TMPRSS3: variants seen among roughly 807,000 people sequenced by gnomAD.
The protein encoded by TMPRSS3 is transmembrane protease serine 3.
In TMPRSS3, 55 loss-of-function variants were observed where a neutral mutation model predicts 59.6. The observed-to-expected ratio is 0.92, with a 90% CI of 0.74 to 1.16. The LOEUF (loss-of-function observed/expected upper bound fraction) is 1.16, where lower values mean the gene tolerates loss of function less well. Among genes scored for constraint, TMPRSS3 ranks in the 50% most tolerant of loss-of-function variants. TMPRSS3 has a pLI of 0.00. For missense variants in TMPRSS3, 596 were observed against 579.4 expected, an observed-to-expected ratio of 1.03 and a Z score of -0.29; for synonymous variants, 257 against 237.7, an observed-to-expected ratio of 1.08 and a Z score of -0.75.
intron 3 of TMPRSS3, 27 bp downstream of exon 3, chr21:42,389,900 T>A: frequency 6.5e-7 from 1 of 1,533,006 alleles, no homozygotes; most frequent in Non-Finnish European, 9.0e-7. Context: ...GTATTTGAGA[T>A]CCTACTAAAT....
intron 6 of TMPRSS3, among the ~76,000 whole-genome samples, 171 bp downstream of exon 6, chr21:42,385,238 C>G (rs1425716101): frequency 6.6e-6 from 1 of 151,946 alleles, no homozygotes; most frequent in East Asian, 1.9e-4. Flanking sequence ...CTCAGGTTCT[C>G]ACACCCCCAG....
intron 7 of TMPRSS3, 130 bp downstream of exon 7, chr21:42,383,840 C>T: frequency 8.3e-6 from 8 of 963,214 alleles, no homozygotes; most frequent in African/African-American, 1.6e-5. Flanking sequence ...TAGGGGTACA[C>T]AGAGTTCCCG....
intron 11 of TMPRSS3, 75 bp from the exon 12 acceptor site, chr21:42,375,943 C>T (rs893821849): frequency 4.0e-5 from 63 of 1,587,996 alleles, no homozygotes; most frequent in Admixed American, 8.3e-5. Flanking sequence ...GACAGTCTGC[C>T]GTGTGAGGCT....
intron 6 of TMPRSS3, 41 bp from the exon 7 acceptor site, chr21:42,384,054 G>T (rs1181660254): frequency 6.2e-7 from 1 of 1,605,764 alleles, no homozygotes; most frequent in Non-Finnish European, 8.5e-7. Flanking sequence ...AAATGCCCCA[G>T]ATCTGTGAAA....
Position 42,372,625 on chromosome 21 carries a change from C to A in TMPRSS3, c.*137G>T. 1.1e-6 allele frequency: 1 copy of A among 892,148 alleles called. No homozygotes were observed. The highest frequency in any genetic ancestry group is 1.3e-5 in the South Asian group (1 of 76,270). 55.3% of individuals were successfully genotyped at this position (892,148 alleles called of 1,614,324 possible). ...GAATCAGATGGAAGGGTGCCTCTTT[C>A]GGGCCTGCTACTGGTGCCGGAACTC... On this transcript the variant is annotated 3_prime_UTR_variant, in exon 13 of 13. Coordinates refer to ENST00000644384, the MANE Select transcript of TMPRSS3 (RefSeq NM_001256317.3).
intron 12 of TMPRSS3, 59 bp from the exon 13 acceptor site, chr21:42,372,838 G>T (rs2052358379): frequency 6.3e-7 from 1 of 1,598,300 alleles, no homozygotes; most frequent in Non-Finnish European, 8.6e-7. Context: ...CGTCCAACAT[G>T]ATGACGGAGC....
At chr21:42,382,478 G>C (rs1052164227) in intron 8 of TMPRSS3, 8 of 549,830 alleles carry the variant, frequency 1.5e-5, no homozygotes, top group African/African-American at 5.6e-5. Flanking sequence ...CTTGGCATTT[G>C]AGGGCTGAAC....
rs112618394 is a variant in TMPRSS3, at chr21:42,372,565, A to G, written c.*197T>C. On this transcript the variant is annotated 3_prime_UTR_variant, in exon 13 of 13. Transcript: ENST00000644384. Reference sequence around the variant, plus strand: ...ACAGAGCGAGACTCCATCTCAAAAAAACAAAAAACAAAAAGCAGCTTGAAG... The same window carrying G: ...ACAGAGCGAGACTCCATCTCAAAAAGACAAAAAACAAAAAGCAGCTTGAAG... 2 of 731,522 alleles carry G rather than the reference A, an allele frequency of 2.7e-6. No individual in the cohort carries two copies. Among genetic ancestry groups the G allele is most frequent in the African/African-American group, 3.5e-5 (2 of 57,826 alleles). The allele number at this position is 731,522 out of a possible 1,614,324, so 45.3% of individuals were successfully genotyped here.
rs1156639892 is a variant in TMPRSS3 at position 42,380,194 on chromosome 21, C to T, written c.971G>A (p.Cys324Tyr). 6.2e-7 allele frequency: 1 copy of T among 1,614,094 alleles called. No individual in the cohort carries two copies. The highest frequency in any genetic ancestry group is 1.1e-5 in the South Asian group (1 of 91,064). ...LTFNEMIQPV[C>Y]LPNSEENFPD... is the part of the protein sequence containing the mutation. ...GAAGTTCTCTTCAGAGTTGGGCAGG[C>T]ACACAGGCTGGATCATTTCTGCTTG... The change falls in exon 10 of 13, where the codon TGC becomes TAC. Residue 324 changes from cysteine to tyrosine, a missense_variant. Cys to Tyr is a radical substitution (Grantham distance 194). Coordinates refer to ENST00000644384, the MANE Select transcript of TMPRSS3 (RefSeq NM_001256317.3).
At chr21:42,378,840 G>A (rs748170141) in intron 10 of TMPRSS3, among the ~76,000 whole-genome samples, 12 of 150,716 alleles carry the variant, frequency 8.0e-5, no homozygotes, top group Non-Finnish European at 1.8e-4. Context: ...CCAGCCTCCT[G>A]AGTAGCTGGG....
At chr21:42,381,517 A>C (rs570747780) in intron 9 of TMPRSS3, among the ~76,000 whole-genome samples, 1 of 152,358 alleles carries the variant, frequency 6.6e-6, no homozygotes, top group Non-Finnish European at 1.5e-5. Context: ...CCTGGACAGG[A>C]AAGTGCTCTT....
chr21:42,372,877 T>A, intron 12 of TMPRSS3, 98 bp from the exon 13 acceptor site: 1 of 1,433,264 alleles, frequency 7.0e-7, no homozygotes, highest in Non-Finnish European at 9.8e-7. Context: ...CTGTGGGAAT[T>A]GTGGGGCTGT....
intron 9 of TMPRSS3, 140 bp from the exon 10 acceptor site, chr21:42,380,352 A>G: frequency 1.4e-6 from 1 of 736,672 alleles, no homozygotes; most frequent in Non-Finnish European, 2.4e-6. Context: ...CTTGAAAACG[A>G]TCAGCTCACA....
At chr21:42,382,634 G>T in intron 8 of TMPRSS3, 2 of 390,890 alleles carry the variant, frequency 5.1e-6, no homozygotes, top group Middle Eastern at 7.2e-4. Context: ...GAGATTTTAA[G>T]AAGAGACCCA....
In TMPRSS3 at chr21:42,380,165, C is replaced by T. The variant is rs776873836; in HGVS notation, c.1000G>A (p.Asp334Asn). ...CCTGACGTCCAGCACACTTTTCCAT[C>T]GGGGAAGTTCTCTTCAGAGTTGGGC... ...CLPNSEENFPDGKVCWTSGWG... is the reference protein window; with the variant it reads ...CLPNSEENFPNGKVCWTSGWG... The change falls in exon 10 of 13, where the codon GAT becomes AAT. Residue 334 changes from aspartate to asparagine, a missense_variant. Transcript: ENST00000644384. 3.7e-6 allele frequency: 6 copies of T among 1,614,032 alleles called. No individual in the cohort carries two copies. The highest frequency in any genetic ancestry group is 1.3e-5 in the African/African-American group (1 of 74,936).
chr21:42,395,606 C>T (rs1298208491), intron 1 of TMPRSS3, 138 bp from the exon 2 acceptor site: 1 of 568,136 alleles, frequency 1.8e-6, no homozygotes, highest in African/African-American at 2.0e-5. Context: ...CAAAAACAGT[C>T]ATCTGGTGAG....
chr21:42,383,002 G>A (rs1272856127), intron 8 of TMPRSS3, 31 bp downstream of exon 8: 1 of 1,613,220 alleles, frequency 6.2e-7, no homozygotes, highest in African/African-American at 1.3e-5. Context: ...GGAGTGAACA[G>A]GGGTCTGGGA....
intron 12 of TMPRSS3, among the ~76,000 whole-genome samples, chr21:42,375,284 C>T (rs1174338342): frequency 6.9e-6 from 1 of 145,222 alleles, no homozygotes; most frequent in Non-Finnish European, 1.5e-5. Context: ...ACTGCTGCCT[C>T]TCATCCCTGG....
At chr21:42,387,776 G>T (rs138901127) in intron 5 of TMPRSS3, among the ~76,000 whole-genome samples, 2 of 152,162 alleles carry the variant, frequency 1.3e-5, no homozygotes, top group Non-Finnish European at 2.9e-5. Context: ...TACAGCGGCC[G>T]CAGGAAGTCA....
Sources: allele counts gnomAD v4.1 joint callset (sites outside exome capture counted in the v4.1 genomes callset), GRCh38; gene constraint gnomAD v4.1.1; transcripts MANE v1.5; gene names NCBI Gene and HGNC (gene_info 2026-07-23, HGNC 2026-07-21).